The following CDC25A variants were observed in gnomAD, a reference collection of about 807,000 sequenced individuals.
The protein encoded by CDC25A is cell division cycle 25A.
CDC25A carries 17 observed loss-of-function variants against 64.6 expected under a neutral mutation model. The ratio of observed to expected loss-of-function variants is 0.26; its 90% CI spans 0.18 to 0.39. CDC25A has a LOEUF of 0.39. Ranked by LOEUF, CDC25A falls within the 10% of genes least tolerant of loss-of-function variation. The probability of loss-of-function intolerance (pLI) is 1.00; values close to 1 mark genes in which losing one functional copy is unlikely to be tolerated. For missense variants in CDC25A, 473 were observed against 654.8 expected (o/e 0.72, Z 3.03); for synonymous variants, 229 against 238.6 (o/e 0.96, Z 0.37).
In CDC25A at chr3:48,182,313, T is replaced by C. The variant is rs575875555; in HGVS notation, c.429+616A>G. On this transcript the variant is annotated intron_variant, in intron 5 of 14. Transcript: ENST00000302506. ...AATGGAAAAGGGGAGAAAGTAAATATATAGAAATACAGTAGAGAGAAGGCT... is the reference window on the plus strand; with the variant it reads ...AATGGAAAAGGGGAGAAAGTAAATACATAGAAATACAGTAGAGAGAAGGCT... Among the ~76,000 whole-genome samples the C allele has an allele frequency of 2.0e-4, 30 of 152,310 alleles. No individual in the cohort carries two copies. The South Asian group carries it at 6.2e-3, about 32-fold the overall frequency.
intron 13 of CDC25A, among the ~76,000 whole-genome samples, chr3:48,162,295 TGTGAGA>T (rs906115177): frequency 1.3e-5 from 2 of 151,204 alleles, no homozygotes; most frequent in African/African-American, 4.9e-5. Context: ...TGTGTGTGTG[TGTGAGA>T]GAGAGACAGA....
At chr3:48,169,332 T>G (rs1326110698) in intron 9 of CDC25A, among the ~76,000 whole-genome samples, 1 of 152,228 alleles carries the variant, frequency 6.6e-6, no homozygotes, top group Non-Finnish European at 1.5e-5. Context: ...CAATCACCAA[T>G]GGCTGCCTGG....
intron 13 of CDC25A, among the ~76,000 whole-genome samples, chr3:48,160,486 C>T (rs187371328): frequency 1.8e-4 from 27 of 151,190 alleles, no homozygotes; most frequent in African/African-American, 6.1e-4. Context: ...TCTCGGCTCA[C>T]TGCAACCTCT....
At chr3:48,168,360 C>CCCCACACACACACA (rs746582615) in intron 9 of CDC25A, among the ~76,000 whole-genome samples, 2 of 106,538 alleles carry the variant, frequency 1.9e-5, no homozygotes, top group African/African-American at 7.7e-5. Context: ...AAGACCCTGT[C>CCCCACACACACACA]CACACACACA....
At position 48,168,033 on chromosome 3, in the gene CDC25A, A is replaced by C. The variant is rs947973906; in HGVS notation, c.931-89T>G. 22 of 744,634 alleles carry C rather than the reference A, an allele frequency of 3.0e-5. No homozygotes were observed. The African/African-American group carries it at 3.6e-4, about 12-fold the overall frequency. 46.1% of individuals were successfully genotyped at this position (744,634 alleles called of 1,614,324 possible). On this transcript the variant is annotated intron_variant, in intron 9 of 14. Coordinates refer to ENST00000302506, the MANE Select transcript of CDC25A (RefSeq NM_001789.3). ...CTTGGAGCATGTCTCGAGGAGACTA[A>C]AATGTTAATGCCTACATTTAGTAAG...
rs1221703231 is a variant in CDC25A, at chr3:48,177,992, T to C, written c.550-4A>G. 1.9e-6 allele frequency: 3 copies of C among 1,604,118 alleles called. No homozygotes were observed. In the African/African-American group the frequency reaches 4.0e-5, roughly 22 times the overall value. On this transcript the variant is annotated splice_polypyrimidine_tract_variant and splice_region_variant and intron_variant, in intron 6 of 14. Coordinates refer to ENST00000302506, the MANE Select transcript of CDC25A (RefSeq NM_001789.3). Reference sequence around the variant, plus strand: ...TATCTCTTTCATTTGAGGAAAGCTGTAAGACAAAATTCATGGATTAATAAT... The same window carrying C: ...TATCTCTTTCATTTGAGGAAAGCTGCAAGACAAAATTCATGGATTAATAAT...
intron 6 of CDC25A, among the ~76,000 whole-genome samples, chr3:48,179,548 T>G (rs2032585957): frequency 6.6e-6 from 1 of 152,142 alleles, no homozygotes; most frequent in South Asian, 2.1e-4. Flanking sequence ...TTTTTAACTT[T>G]GTACAGATAG....
Position 48,159,056 on chromosome 3 carries a change from G to A in CDC25A, c.1464C>T (p.Pro488=). 2 of 1,614,074 alleles carry A rather than the reference G, an allele frequency of 1.2e-6. No homozygotes were observed. Among genetic ancestry groups the A allele is most frequent in the Non-Finnish European group, 8.5e-7 (1 of 1,179,986 alleles). The change falls in exon 15 of 15, where the codon CCC becomes CCT. Residue 488 remains proline (P), a synonymous_variant. Coordinates refer to ENST00000302506, the MANE Select transcript of CDC25A (RefSeq NM_001789.3). ...QSYCEPPSYR[P]MHHEDFKEDL... Reference sequence around the variant, plus strand: ...CTTCTTTAAAGTCCTCGTGGTGCATGGGCCGGTAGCTAGGGGGCTCACAGT... The same window carrying A: ...CTTCTTTAAAGTCCTCGTGGTGCATAGGCCGGTAGCTAGGGGGCTCACAGT...
intron 5 of CDC25A, chr3:48,181,583 TG>T: frequency 6.4e-7 from 1 of 1,564,524 alleles, no homozygotes; most frequent in Non-Finnish European, 8.8e-7. Flanking sequence ...GCGGGACCAC[TG>T]GGTTCATGTT....
At chr3:48,163,878 C>T (rs2031893585) in intron 13 of CDC25A, among the ~76,000 whole-genome samples, 1 of 152,144 alleles carries the variant, frequency 6.6e-6, no homozygotes, top group Non-Finnish European at 1.5e-5. Context: ...TTGTCAGTGC[C>T]TGACAAACAG....
At chr3:48,176,662 C>CAAAT (rs2032474121) in intron 8 of CDC25A, among the ~76,000 whole-genome samples, 1 of 149,936 alleles carries the variant, frequency 6.7e-6, no homozygotes, top group African/African-American at 2.5e-5. Flanking sequence ...ACAAAACAAA[C>CAAAT]AAACAAAACA....
rs148317132 is a variant in CDC25A at position 48,183,808 on chromosome 3, A to T, written c.319T>A (p.Ser107Thr). 78 of 1,583,190 alleles carry T rather than the reference A, an allele frequency of 4.9e-5. No homozygotes were observed. In the Admixed American group the frequency reaches 8.0e-4, roughly 16 times the overall value. ...NLENPMRRIHSLPQKLLGCSP... is the reference protein window; with the variant it reads ...NLENPMRRIHTLPQKLLGCSP... Reference sequence around the variant, plus strand: ...ACAAGGAACTAACTTACAGGTAGGGAATGTATTCTTCTCATAGGATTTTCA... The same window carrying T: ...ACAAGGAACTAACTTACAGGTAGGGTATGTATTCTTCTCATAGGATTTTCA... Residue 107 changes from serine (S) to threonine (T), a missense_variant, in exon 4 of 15, where the codon TCC becomes ACC. Physicochemically the swap from Ser to Thr is moderately conservative, Grantham distance 58 (BLOSUM62 1). Transcript: ENST00000302506.
chr3:48,176,812 A>C (rs1057118207), intron 8 of CDC25A, among the ~76,000 whole-genome samples: 11 of 151,500 alleles, frequency 7.3e-5, no homozygotes, highest in Admixed American at 7.2e-4. Flanking sequence ...CTCTACTGAA[A>C]ATACAAAGAT....
intron 10 of CDC25A, 78 bp from the exon 11 acceptor site, chr3:48,165,971 T>C: frequency 9.9e-7 from 1 of 1,005,412 alleles, no homozygotes; most frequent in South Asian, 1.4e-5. Context: ...GTCTGGCTGG[T>C]AGGAGGCATC....
chr3:48,167,763 C>T (rs2106707035), intron 10 of CDC25A, 83 bp downstream of exon 10: 1 of 788,352 alleles, frequency 1.3e-6, no homozygotes, highest in African/African-American at 1.7e-5. Context: ...AGGAACCACC[C>T]TGGGGAGGGA....
intron 2 of CDC25A, among the ~76,000 whole-genome samples, chr3:48,186,090 G>A (rs189570188): frequency 5.3e-5 from 8 of 152,314 alleles, no homozygotes; most frequent in Non-Finnish European, 1.0e-4. Flanking sequence ...TCATGACACT[G>A]TACTTCCAAT....
intron 9 of CDC25A, among the ~76,000 whole-genome samples, chr3:48,173,883 C>G (rs150797390): frequency 7.2e-5 from 11 of 152,292 alleles, no homozygotes; most frequent in African/African-American, 2.6e-4. Context: ...CAGATGCCAA[C>G]AACACTATGG....
At position 48,187,839 on chromosome 3, in the gene CDC25A, C is replaced by T; in HGVS notation, c.109G>A (p.Gly37Arg). The change falls in exon 1 of 15, where the codon GGG (glycine) becomes AGG (arginine). Residue 37 changes from glycine (G) to arginine (R), a missense_variant. Around this residue, in one of 2 missense-constraint regions of CDC25A, gnomAD observed 376 missense variants for 431.9 expected, o/e 0.87. Coordinates refer to ENST00000302506, the MANE Select transcript of CDC25A (RefSeq NM_001789.3). ...AGGTTGGTGACAGGCGACAGTCCCC[C>T]GGCGGCTGAAGCGCCAAATAGCGCC... ...VKALFGASAAGGLSPVTNLTV... is the reference protein window; with the variant it reads ...VKALFGASAARGLSPVTNLTV... 6.5e-7 allele frequency: 1 copy of T among 1,549,124 alleles called. No homozygotes were observed. Among genetic ancestry groups the T allele is most frequent in the Non-Finnish European group, 8.7e-7 (1 of 1,146,020 alleles).
chr3:48,174,215 A>T, intron 9 of CDC25A, 69 bp downstream of exon 9: 1 of 1,376,654 alleles, frequency 7.3e-7, no homozygotes. Context: ...ATGAACCACT[A>T]AGTAGAAATT....
Sources: gnomAD v4.1 joint callset for allele counts (sites outside exome capture counted in the v4.1 genomes callset) on GRCh38, gnomAD v4.1.1 for gene constraint, gnomAD v4.1.1 regional missense constraint, MANE v1.5 for transcripts, NCBI Gene and HGNC (gene_info 2026-07-23, HGNC 2026-07-21) for gene names.